Variants in GOLGB1 observed in about 807,000 individuals in gnomAD.
GOLGB1 encodes golgin subfamily B member 1.
A neutral mutation model predicts 336.9 loss-of-function variants in GOLGB1; 174 were observed. The ratio of observed to expected loss-of-function variants is 0.52; its 90% CI spans 0.46 to 0.59. The LOEUF is 0.59. Among genes scored for constraint, GOLGB1 ranks in the 20% least tolerant of loss-of-function variants. The pLI is 0.00. For missense variants in GOLGB1, 3,331 were observed against 3,645.3 expected, an observed-to-expected ratio of 0.91 and a Z score of 2.22; for synonymous variants, 1,208 against 1,289.2, an observed-to-expected ratio of 0.94 and a Z score of 1.35.
rs869189384 is a variant in GOLGB1, at chr3:121,727,320, A to ATTTT, written c.403-283_403-280dup. On this transcript the variant is annotated intron_variant, in intron 4 of 21. Coordinates refer to ENST00000614479, the MANE Select transcript of GOLGB1 (RefSeq NM_001366282.2). ...TATATATATATATATATATATATAT[A>ATTTT]TTTTTTTTTTTTTTTTTTTTTTTTT... Among the ~76,000 whole-genome samples the ATTTT allele has an allele frequency of 1.3e-3, 36 of 28,638 alleles. 1 individual carries two copies. Among genetic ancestry groups the ATTTT allele is most frequent in the Admixed American group, 2.2e-3 (3 of 1,386 alleles). 18.8% of individuals were successfully genotyped at this position (28,638 alleles called of 152,430 possible).
chr3:121,695,317 C>A lies in GOLGB1; in HGVS notation c.5206G>T (p.Val1736Phe), dbSNP rs1173753324. The A allele has an allele frequency of 6.2e-7, 1 of 1,613,938 alleles. No individual in the cohort carries two copies. Among genetic ancestry groups the A allele is most frequent in the Non-Finnish European group, 8.5e-7 (1 of 1,179,986 alleles). Residue 1736 changes from valine to phenylalanine, a missense_variant, in exon 13 of 22, where the codon GTC becomes TTC. Val to Phe is a conservative substitution (Grantham distance 50, BLOSUM62 -1). Transcript: ENST00000614479. ...GAAAGGGTTTCATACTCCATTTTGACCCTTTCAAGTTCTTCCTTCATGCTG... is the reference window on the plus strand; with the variant it reads ...GAAAGGGTTTCATACTCCATTTTGAACCTTTCAAGTTCTTCCTTCATGCTG... ...NASMKEELER[V>F]KMEYETLSKK... is the part of the protein sequence containing the mutation.
intron 1 of GOLGB1, among the ~76,000 whole-genome samples, chr3:121,735,970 A>G (rs1946441312): frequency 6.6e-6 from 1 of 152,176 alleles, no homozygotes; most frequent in Non-Finnish European, 1.5e-5. Context: ...GAAAAAGAAA[A>G]AAAATGGGGT....
At chr3:121,685,393 G>C (rs1000635044) in intron 14 of GOLGB1, among the ~76,000 whole-genome samples, 1 of 151,960 alleles carries the variant, frequency 6.6e-6, no homozygotes, top group Non-Finnish European at 1.5e-5. Flanking sequence ...AAATTAGCCG[G>C]GCAAGGTGGC....
rs779551771 is a variant in GOLGB1, at chr3:121,697,359, C to T, written c.3164G>A (p.Cys1055Tyr). 3.7e-6 allele frequency: 6 copies of T among 1,613,600 alleles called. No homozygotes were observed. Among genetic ancestry groups the T allele is most frequent in the South Asian group, 1.1e-5 (1 of 91,038 alleles). Residue 1055 changes from cysteine to tyrosine, a missense_variant, in exon 13 of 22, where the codon TGT becomes TAT. Transcript: ENST00000614479. ...DKENKEYSEK[C>Y]VTSKCQEIEI... ...TATTTCTTGGCACTTAGAAGTCACA[C>T]ATTTTTCTGAGTATTCTTTGTTTTC...
chr3:121,690,840 C>A lies in GOLGB1; in HGVS notation c.8524G>T (p.Ala2842Ser), dbSNP rs748540111. 2 of 1,612,468 alleles carry A rather than the reference C, an allele frequency of 1.2e-6. No individual in the cohort carries two copies. The change falls in exon 14 of 22, where the codon GCT (alanine) becomes TCT (serine). Residue 2842 changes from alanine to serine, a missense_variant. Physicochemically the swap from Ala to Ser is moderately conservative, Grantham distance 99. Coordinates refer to ENST00000614479, the MANE Select transcript of GOLGB1 (RefSeq NM_001366282.2). Reference sequence around the variant, plus strand: ...CTCTCATTCTGCAGACTGGCCATAGCCTTGGAAAAGGACTGCACTTGGTTA... The same window carrying A: ...CTCTCATTCTGCAGACTGGCCATAGACTTGGAAAAGGACTGCACTTGGTTA... ...SYNQVQSFSK[A>S]MASLQNERDH...
intron 1 of GOLGB1, among the ~76,000 whole-genome samples, chr3:121,733,279 C>T (rs1458812742): frequency 7.8e-6 from 1 of 128,286 alleles, no homozygotes; most frequent in Non-Finnish European, 1.6e-5. Context: ...GCCTAGATTG[C>T]TCCGTCTCAA....
At chr3:121,689,494 C>A (rs1393956434) in intron 14 of GOLGB1, among the ~76,000 whole-genome samples, 1 of 151,526 alleles carries the variant, frequency 6.6e-6, no homozygotes, top group Non-Finnish European at 1.5e-5. Flanking sequence ...ATCTCAAGTA[C>A]CCAGGGACAC....
At chr3:121,688,272 C>T (rs1368650690) in intron 14 of GOLGB1, among the ~76,000 whole-genome samples, 2 of 152,232 alleles carry the variant, frequency 1.3e-5, no homozygotes, top group Non-Finnish European at 2.9e-5. Context: ...TCTCGGCTCA[C>T]TGCAACCTCC....
At chr3:121,688,856 G>A (rs1942083088) in intron 14 of GOLGB1, among the ~76,000 whole-genome samples, 1 of 147,812 alleles carries the variant, frequency 6.8e-6, no homozygotes, top group Non-Finnish European at 1.5e-5. Flanking sequence ...TGGGAGGTGA[G>A]GAGCATCTCT....
chr3:121,696,301 T>C lies in GOLGB1; in HGVS notation c.4222A>G (p.Lys1408Glu), dbSNP rs1003085431. Residue 1408 changes from lysine to glutamate, a missense_variant, in exon 13 of 22, where the codon AAA becomes GAA. By Grantham distance (56) the Lys-to-Glu change is moderately conservative (BLOSUM62 1). Coordinates refer to ENST00000614479, the MANE Select transcript of GOLGB1 (RefSeq NM_001366282.2). ...AGGTAGCTAACGTCTTCTTCCTTTT[T>C]GCTTATGAGTTTTTGCAGTTCATCC... ...KLDELQKLISKKEEDVSYLSG... is the reference protein window; with the variant it reads ...KLDELQKLISEKEEDVSYLSG... 7 of 1,614,032 alleles carry C rather than the reference T, an allele frequency of 4.3e-6. No homozygotes were observed.
In GOLGB1 at chr3:121,696,881, T is replaced by C. The variant is rs993317993; in HGVS notation, c.3642A>G (p.Lys1214=). Residue 1214 remains lysine, a synonymous_variant, in exon 13 of 22, where the codon AAA becomes AAG. Coordinates refer to ENST00000614479, the MANE Select transcript of GOLGB1 (RefSeq NM_001366282.2). The part of the protein sequence containing the change: ...RHLREELKQQ[K]DDYNRLQEQF... ...GTTCTTGCAAGCGATTATAGTCATC[T>C]TTCTGTTGCTTTAGCTCCTCCCTGA... The C allele has an allele frequency of 6.8e-6, 11 of 1,614,208 alleles. No homozygotes were observed. Among genetic ancestry groups the C allele is most frequent in the African/African-American group, 1.3e-5 (1 of 75,058 alleles).
rs758867395 is a variant in GOLGB1 at position 121,691,094 on chromosome 3, T to C, written c.8270A>G (p.Glu2757Gly). 4.3e-6 allele frequency: 7 copies of C among 1,613,986 alleles called. No individual in the cohort carries two copies. The African/African-American group carries it at 9.3e-5, about 22-fold the overall frequency. The change falls in exon 14 of 22, where the codon GAG becomes GGG. Residue 2757 changes from glutamate to glycine, a missense_variant. Glu to Gly is a moderately conservative substitution (Grantham distance 98). Coordinates refer to ENST00000614479, the MANE Select transcript of GOLGB1 (RefSeq NM_001366282.2). ...SLQNSRDHAN[E>G]ELDELKRKYD... ...TTTCCTTTTCAGTTCATCAAGTTCC[T>C]CATTGGCATGATCTCTACTATTTTG...
chr3:121,670,631 G>A (rs540442293), intron 17 of GOLGB1, among the ~76,000 whole-genome samples: 1 of 151,952 alleles, frequency 6.6e-6, no homozygotes, highest in East Asian at 1.9e-4. Context: ...CAAATGGCTA[G>A]TAGATGTCAA....
In GOLGB1 at chr3:121,692,443, A is replaced by C. The variant is rs775430533; in HGVS notation, c.6921T>G (p.Ser2307Arg). ...QLEETRHLYH[S>R]SQNELAKLES... ...CCAACTTAGCTAATTCATTCTGAGA[A>C]CTGTGGTATAGGTGGCGTGTCTCTT... Residue 2307 changes from serine (S) to arginine (R), a missense_variant, in exon 14 of 22, where the codon AGT becomes AGG. Physicochemically the swap from Ser to Arg is moderately radical, Grantham distance 110. Transcript: ENST00000614479. 6.2e-7 allele frequency: 1 copy of C among 1,614,062 alleles called. No homozygotes were observed. Among genetic ancestry groups the C allele is most frequent in the Non-Finnish European group, 8.5e-7 (1 of 1,179,976 alleles).
intron 11 of GOLGB1, among the ~76,000 whole-genome samples, chr3:121,701,279 A>G (rs1469381350): frequency 6.6e-6 from 1 of 152,198 alleles, no homozygotes; most frequent in Non-Finnish European, 1.5e-5. Flanking sequence ...GATAGGATAC[A>G]GACTGTTTGC....
chr3:121,747,564 T>G (rs955757489), intron 1 of GOLGB1, among the ~76,000 whole-genome samples: 4 of 151,634 alleles, frequency 2.6e-5, no homozygotes, highest in African/African-American at 9.7e-5. Context: ...TGTGTAGCCA[T>G]GGAAAGGATG....
Position 121,692,573 on chromosome 3 carries a change from T to C in GOLGB1, c.6791A>G (p.His2264Arg), listed in dbSNP as rs116702916. Reference protein sequence around the residue: ...ELKINISRLEHDKQIWESKAQ... With the variant: ...ELKINISRLERDKQIWESKAQ... ...CTTGGACTCCCAAATCTGCTTGTCA[T>C]GTTCAAGCCTGAAACAGAGAGAAGG... is the stretch of plus-strand genomic sequence containing the variant. The change falls in exon 14 of 22, where the codon CAT becomes CGT. Residue 2264 changes from histidine (H) to arginine (R), a missense_variant. Coordinates refer to ENST00000614479, the MANE Select transcript of GOLGB1 (RefSeq NM_001366282.2). 348 of 1,563,436 alleles carry C rather than the reference T, an allele frequency of 2.2e-4. 1 individual carries two copies. In the African/African-American group the frequency reaches 4.3e-3, roughly 19 times the overall value.
intron 14 of GOLGB1, among the ~76,000 whole-genome samples, chr3:121,684,244 G>T (rs1454999857): frequency 8.6e-6 from 1 of 116,776 alleles, no homozygotes; most frequent in Admixed American, 8.4e-5. Flanking sequence ...ATCAAAAGAC[G>T]AAGGCAAGAA....
At chr3:121,717,226 A>C in intron 8 of GOLGB1, 87 bp from the exon 9 acceptor site, 1 of 999,990 alleles carries the variant, frequency 1.0e-6, no homozygotes, top group Non-Finnish European at 1.5e-6. Flanking sequence ...TATAGGATGG[A>C]AAAAAATGGG....
Sources: allele counts gnomAD v4.1 joint callset (sites outside exome capture counted in the v4.1 genomes callset), GRCh38; gene constraint gnomAD v4.1.1; transcripts MANE v1.5; gene names NCBI Gene and HGNC (gene_info 2026-07-23, HGNC 2026-07-21).